Variants in INSL6 observed in about 807,000 individuals in gnomAD.
INSL6 encodes insulin-like peptide INSL6.
Under a neutral mutation model 9.4 loss-of-function variants are expected in INSL6, and 16 were observed. The ratio of observed to expected loss-of-function variants is 1.70; its 90% confidence interval spans 1.15 to 2.59. The LOEUF (loss-of-function observed/expected upper bound fraction) is 2.59, where lower values mean the gene tolerates loss of function less well. INSL6 is among the 30% of genes most tolerant of loss of function. The pLI is 0.00. For synonymous variants in INSL6, 154 were observed against 96.9 expected (o/e 1.59, Z -3.46); for missense variants, 391 against 257.3 (o/e 1.52, Z -3.56).
At chr9:5,148,963 G>A (rs888791392) in intron 2 of INSL6, among the ~76,000 whole-genome samples, 1 of 152,210 alleles carries the variant, frequency 6.6e-6, no homozygotes, top group African/African-American at 2.4e-5. Context: ...TGCAGGCCCT[G>A]TTCTCTCCCC....
At chr9:5,090,816 C>A in the INSL6 span, 3 of 1,613,266 alleles carry the variant, frequency 1.9e-6, no homozygotes, top group African/African-American at 1.3e-5. Context: ...AGAACGAGAA[C>A]AGAGTTAAAA....
chr9:5,040,965 C>G, the INSL6 span: 2 of 555,062 alleles, frequency 3.6e-6, no homozygotes, highest in African/African-American at 3.8e-5. Flanking sequence ...TCTATACAAA[C>G]AAATATGTGG....
chr9:5,082,342 T>C, the INSL6 span, among the ~76,000 whole-genome samples: 1 of 152,222 alleles, frequency 6.6e-6, no homozygotes, highest in Non-Finnish European at 1.5e-5. Context: ...GAAGGTACTA[T>C]GCCTGGATGT....
At chr9:5,094,610 C>T in the INSL6 span, 1 of 152,130 alleles carries the variant, frequency 6.6e-6, no homozygotes, top group Non-Finnish European at 1.5e-5. Flanking sequence ...CATCATGACC[C>T]TTAGCCATAT....
At chr9:5,114,413 C>G in the INSL6 span, 22 of 503,122 alleles carry the variant, frequency 4.4e-5, no homozygotes, top group Admixed American at 9.6e-5. Context: ...GAGACTGGAT[C>G]AAGGGGGAGA....
chr9:5,016,121 T>C, the INSL6 span, among the ~76,000 whole-genome samples: 2 of 152,160 alleles, frequency 1.3e-5, no homozygotes, highest in Non-Finnish European at 2.9e-5. Flanking sequence ...AAATAGACTA[T>C]TGGAAGGGGA....
At chr9:5,121,416 G>C (rs997796192), downstream of INSL6, among the ~76,000 whole-genome samples, 39 of 152,256 alleles carry the variant, frequency 2.6e-4, no homozygotes, top group African/African-American at 9.4e-4. Context: ...CTTGGTAATT[G>C]GAGTGACTTT....
chr9:5,065,764 T>C, the INSL6 span, among the ~76,000 whole-genome samples: 1 of 152,210 alleles, frequency 6.6e-6, no homozygotes, highest in Non-Finnish European at 1.5e-5. Context: ...GTGGTTTATG[T>C]TGACAACAGA....
the INSL6 span, chr9:5,081,854 T>C: frequency 6.2e-7 from 1 of 1,612,494 alleles, no homozygotes; most frequent in African/African-American, 1.3e-5. Context: ...CTACAGCAAC[T>C]TGGCAAGGTA....
chr9:5,073,815 T>TGTAG, the INSL6 span: 4 of 1,353,754 alleles, frequency 3.0e-6, no homozygotes, highest in Non-Finnish European at 4.2e-6. Flanking sequence ...TTCTAATGCC[T>TGTAG]TTCTCAGAGC....
At chr9:5,121,995 T>G (rs1270104178), downstream of INSL6, among the ~76,000 whole-genome samples, 1 of 152,134 alleles carries the variant, frequency 6.6e-6, no homozygotes, top group East Asian at 1.9e-4. Context: ...ATGTAAAATT[T>G]GTAAAGACTA....
chr9:5,081,544 G>C, the INSL6 span, among the ~76,000 whole-genome samples: 2 of 152,082 alleles, frequency 1.3e-5, no homozygotes, highest in African/African-American at 2.4e-5. Context: ...TCTCTTGAAG[G>C]CCTGTCAGAT....
chr9:5,006,440 T>C, the INSL6 span, among the ~76,000 whole-genome samples: 2 of 152,336 alleles, frequency 1.3e-5, no homozygotes, highest in East Asian at 3.9e-4. Flanking sequence ...ATTCAATTTT[T>C]AAATTACTGT....
chr9:4,994,084 GT>G, the INSL6 span, among the ~76,000 whole-genome samples: 468 of 152,180 alleles, frequency 3.1e-3, no homozygotes, highest in African/African-American at 0.011. Context: ...TATCCTACTT[GT>G]TTTTATTAGT....
chr9:5,092,768 T>G, the INSL6 span, among the ~76,000 whole-genome samples: 1 of 152,186 alleles, frequency 6.6e-6, no homozygotes, highest in Non-Finnish European at 1.5e-5. Flanking sequence ...GGAAGATTCA[T>G]GAGTAGTGGT....
chr9:5,081,708 ATTCT>A, the INSL6 span: 1 of 1,558,336 alleles, frequency 6.4e-7, no homozygotes. Context: ...AGGTGATAAT[ATTCT>A]TTATTTCTCC....
chr9:5,141,426 T>C (rs769982512), intron 2 of INSL6, among the ~76,000 whole-genome samples: 2 of 152,232 alleles, frequency 1.3e-5, no homozygotes, highest in Non-Finnish European at 2.9e-5. Context: ...CTCATCGTAG[T>C]TATGATTTAC....
the INSL6 span, among the ~76,000 whole-genome samples, chr9:5,073,265 T>A: frequency 1.3e-5 from 2 of 152,226 alleles, no homozygotes; most frequent in Non-Finnish European, 2.9e-5. Context: ...GTTAAAACTA[T>A]GCTAGTATCC....
the INSL6 span, among the ~76,000 whole-genome samples, chr9:5,017,725 C>A: frequency 6.6e-6 from 1 of 152,156 alleles, no homozygotes; most frequent in Non-Finnish European, 1.5e-5. Context: ...TAAATTAATT[C>A]TTTAAAGTTG....
Sources: gnomAD v4.1 joint callset for allele counts (sites outside exome capture counted in the v4.1 genomes callset) on GRCh38, gnomAD v4.1.1 for gene constraint, MANE v1.5 for transcripts, NCBI Gene and HGNC (gene_info 2026-07-23, HGNC 2026-07-21) for gene names.